BBOX1: variants seen among roughly 807,000 people sequenced by gnomAD.
The protein encoded by BBOX1 is gamma-butyrobetaine dioxygenase.
BBOX1 carries 35 observed loss-of-function variants against 41.6 expected under a neutral mutation model. The ratio of observed to expected loss-of-function variants is 0.84; its 90% CI spans 0.64 to 1.11. The LOEUF is 1.11. Among genes scored for constraint, BBOX1 ranks in the 50% most tolerant of loss-of-function variants. The probability of loss-of-function intolerance (pLI) is 0.00; values close to 1 mark genes in which losing one functional copy is unlikely to be tolerated. For synonymous variants in BBOX1, 163 were observed against 154.7 expected (o/e 1.05, Z -0.40); for missense variants, 458 against 460.6 (o/e 0.99, Z 0.05).
intron 4 of BBOX1, among the ~76,000 whole-genome samples, chr11:27,057,877 C>T (rs1857033540): frequency 6.6e-6 from 1 of 152,006 alleles, no homozygotes; most frequent in South Asian, 2.1e-4. Context: ...CAAGGGGATC[C>T]ATAAACAGAA....
At chr11:27,066,857 A>G (rs544829139) in intron 4 of BBOX1, among the ~76,000 whole-genome samples, 5 of 152,190 alleles carry the variant, frequency 3.3e-5, no homozygotes, top group African/African-American at 9.6e-5. Flanking sequence ...TCCAAAAATC[A>G]TCTCCTTTTT....
intron 4 of BBOX1, among the ~76,000 whole-genome samples, chr11:27,092,649 G>T (rs1464126261): frequency 6.6e-6 from 1 of 151,886 alleles, no homozygotes; most frequent in Admixed American, 6.6e-5. Flanking sequence ...AGGATCACTT[G>T]ATCCCAGAGG....
chr11:27,062,581 A>G (rs561788953), intron 4 of BBOX1, among the ~76,000 whole-genome samples: 1 of 150,564 alleles, frequency 6.6e-6, no homozygotes, highest in Non-Finnish European at 1.5e-5. Flanking sequence ...TTTTTTTGAG[A>G]CGGAGTCTTC....
chr11:27,043,059 TTTTA>T (rs531246847), intron 2 of BBOX1, among the ~76,000 whole-genome samples: 16 of 152,152 alleles, frequency 1.1e-4, no homozygotes, highest in African/African-American at 3.9e-4. Context: ...AATTTTTTAT[TTTTA>T]TTTATTTATT....
intron 5 of BBOX1, among the ~76,000 whole-genome samples, chr11:27,094,291 C>T (rs1469147403): frequency 6.6e-6 from 1 of 151,754 alleles, no homozygotes. Context: ...AGAGTGAGTC[C>T]CTTATGTGGG....
chr11:27,065,966 G>A (rs1857267946), intron 4 of BBOX1, among the ~76,000 whole-genome samples: 1 of 152,196 alleles, frequency 6.6e-6, no homozygotes, highest in South Asian at 2.1e-4. Flanking sequence ...AGAACCTAAA[G>A]CAAATATATT....
intron 5 of BBOX1, among the ~76,000 whole-genome samples, chr11:27,103,699 A>G (rs923010782): frequency 1.3e-5 from 2 of 150,852 alleles, no homozygotes; most frequent in African/African-American, 4.9e-5. Context: ...AAGTGGTTAT[A>G]AAAAAAAACA....
intron 2 of BBOX1, among the ~76,000 whole-genome samples, chr11:27,050,916 T>C (rs930882967): frequency 1.3e-5 from 2 of 152,080 alleles, no homozygotes; most frequent in African/African-American, 4.8e-5. Flanking sequence ...TTGTTCCCAA[T>C]CTTAGAGGAA....
chr11:27,085,453 T>G (rs7128424), intron 4 of BBOX1, among the ~76,000 whole-genome samples: 10,803 of 152,140 alleles, frequency 0.071, 1,276 homozygotes, highest in African/African-American at 0.24. Context: ...TTGAGCTTAC[T>G]ACTGTAATTT....
rs747795373 is a variant in BBOX1 at position 27,112,382 on chromosome 11, G to A, written c.534-3070G>A. On this transcript the variant is annotated intron_variant, in intron 5 of 8. Transcript: ENST00000263182. ...TGTCTGTGACTGTGACAGGGCACAC[G>A]TAGGTGCCTAAAGTTTTATTTATTG... Among the ~76,000 whole-genome samples the A allele has an allele frequency of 2.6e-5, 4 of 152,048 alleles. 1 individual carries two copies. Among genetic ancestry groups the A allele is most frequent in the African/African-American group, 7.2e-5 (3 of 41,538 alleles).
chr11:27,097,847 C>A (rs932446592), intron 5 of BBOX1, among the ~76,000 whole-genome samples: 1 of 151,878 alleles, frequency 6.6e-6, no homozygotes, highest in Non-Finnish European at 1.5e-5. Flanking sequence ...CACAGGCTAC[C>A]GTTGTGTAAA....
chr11:27,113,822 AT>A (rs1175715602), intron 5 of BBOX1, among the ~76,000 whole-genome samples: 6 of 151,690 alleles, frequency 4.0e-5, no homozygotes, highest in African/African-American at 9.7e-5. Flanking sequence ...AAAAAAAAAA[AT>A]CAAGTTTCTC....
At chr11:27,099,297 A>T (rs1858557921) in intron 5 of BBOX1, among the ~76,000 whole-genome samples, 1 of 152,004 alleles carries the variant, frequency 6.6e-6, no homozygotes, top group African/African-American at 2.4e-5. Context: ...GCTGGCACCA[A>T]CAAGTTGCAT....
chr11:27,045,104 T>C (rs10767593), intron 2 of BBOX1, among the ~76,000 whole-genome samples: 48,442 of 152,046 alleles, frequency 0.32, 7,908 homozygotes, highest in East Asian at 0.45. Context: ...CTTATTTCCT[T>C]GAGCAATGGT....
At chr11:27,052,126 CT>C (rs759810943) in intron 2 of BBOX1, among the ~76,000 whole-genome samples, 2 of 151,856 alleles carry the variant, frequency 1.3e-5, no homozygotes, top group Admixed American at 6.6e-5. Flanking sequence ...AGTTTTTCCC[CT>C]GGTATTGATT....
intron 2 of BBOX1, among the ~76,000 whole-genome samples, chr11:27,043,515 G>A (rs533054506): frequency 2.4e-4 from 36 of 148,230 alleles, no homozygotes; most frequent in African/African-American, 4.2e-4. Context: ...CTATCAACGC[G>A]TCATCTACAT....
intron 3 of BBOX1, 107 bp downstream of exon 3, chr11:27,055,756 C>G: frequency 1.0e-6 from 1 of 959,640 alleles, no homozygotes; most frequent in East Asian, 2.6e-5. Flanking sequence ...TATATAACCG[C>G]ATATGAACCC....
At chr11:27,057,674 C>G (rs544197399) in intron 4 of BBOX1, among the ~76,000 whole-genome samples, 41 of 152,122 alleles carry the variant, frequency 2.7e-4, no homozygotes, top group African/African-American at 8.9e-4. Flanking sequence ...TTGTCTAAGG[C>G]CAGAACAACA....
rs185145585 is a variant in BBOX1, at chr11:27,122,368, C to G, written c.836+2523C>G. Among the ~76,000 whole-genome samples the G allele has an allele frequency of 6.6e-5, 10 of 151,886 alleles. 1 individual carries two copies. Among genetic ancestry groups the G allele is most frequent in the Admixed American group, 5.9e-4 (9 of 15,232 alleles). On this transcript the variant is annotated intron_variant, in intron 7 of 8. Transcript: ENST00000263182. ...ACAGTATATTTTCCAGTTAAAAAAACGAAAACAAAAAATACTGCCACACAT... is the reference window on the plus strand; with the variant it reads ...ACAGTATATTTTCCAGTTAAAAAAAGGAAAACAAAAAATACTGCCACACAT...
Sources: gnomAD v4.1 joint callset for allele counts (sites outside exome capture counted in the v4.1 genomes callset) on GRCh38, gnomAD v4.1.1 for gene constraint, MANE v1.5 for transcripts, NCBI Gene and HGNC (gene_info 2026-07-23, HGNC 2026-07-21) for gene names.